The following NLRP5 variants were observed in gnomAD, a reference collection of about 807,000 sequenced individuals.
NLRP5 encodes the protein NACHT, LRR and PYD domains-containing protein 5.
Under a neutral mutation model 113.1 loss-of-function variants are expected in NLRP5, and 93 were observed. The observed-to-expected ratio is 0.82, with a 90% CI of 0.70 to 0.98. The LOEUF (loss-of-function observed/expected upper bound fraction) is 0.98, where lower values mean the gene tolerates loss of function less well. Among genes scored for constraint, NLRP5 ranks in the 50% least tolerant of loss-of-function variants. The probability of loss-of-function intolerance (pLI) is 0.00; values close to 1 mark genes in which losing one functional copy is unlikely to be tolerated. For synonymous variants in NLRP5, 751 were observed against 600.7 expected, an observed-to-expected ratio of 1.25 and a Z score of -3.66; for missense variants, 1,808 against 1,514.3, an observed-to-expected ratio of 1.19 and a Z score of -3.22.
Position 56,027,527 on chromosome 19 carries a change from A to C in NLRP5, c.1294A>C (p.Ile432Leu), listed in dbSNP as rs781708886. The C allele has an allele frequency of 3.1e-6, 5 of 1,613,866 alleles. No individual in the cohort carries two copies. The Admixed American group carries it at 8.3e-5, about 27-fold the overall frequency. The change falls in exon 7 of 15, where the codon ATC (isoleucine) becomes CTC (leucine). Residue 432 changes from isoleucine (I) to leucine (L), a missense_variant. Coordinates refer to ENST00000390649, the MANE Select transcript of NLRP5 (RefSeq NM_153447.4). ...TCCCCGTTACCTGTTAGTTAGAGGA[A>C]TCTCCGGGGAACAAAGAATCCACTT... is the stretch of plus-strand genomic sequence containing the variant.
chr19:55,987,875 A>G, the NLRP5 span: 1 of 1,613,966 alleles, frequency 6.2e-7, no homozygotes, highest in Non-Finnish European at 8.5e-7. Flanking sequence ...ACCCGACTTC[A>G]CGGGAAAAAG....
the NLRP5 span, among the ~76,000 whole-genome samples, chr19:55,989,101 T>G: frequency 4.6e-5 from 7 of 152,224 alleles, no homozygotes; most frequent in African/African-American, 1.7e-4. Flanking sequence ...AACTTCAATG[T>G]TCTATCATCA....
Position 56,061,660 on chromosome 19 carries a change from C to T in NLRP5, c.*132C>T. ...TGATTTCTGATTCTCACAAAGCCCTCAATGGTAGTGATTCTTCTGTGTTCA... is the reference window on the plus strand; with the variant it reads ...TGATTTCTGATTCTCACAAAGCCCTTAATGGTAGTGATTCTTCTGTGTTCA... On this transcript the variant is annotated 3_prime_UTR_variant, in exon 15 of 15. Coordinates refer to ENST00000390649, the MANE Select transcript of NLRP5 (RefSeq NM_153447.4). 1 of 1,018,636 alleles carries T rather than the reference C, an allele frequency of 9.8e-7. No homozygotes were observed. The highest frequency in any genetic ancestry group is 1.5e-6 in the Non-Finnish European group (1 of 674,164). The allele number at this position is 1,018,636 out of a possible 1,614,324, so 63.1% of individuals were successfully genotyped here.
At chr19:56,015,675 C>A in intron 3 of NLRP5, 67 bp from the exon 4 acceptor site, 1 of 1,333,296 alleles carries the variant, frequency 7.5e-7, no homozygotes, top group African/African-American at 1.5e-5. Flanking sequence ...CTGGGGTGTC[C>A]AACATCTCTG....
In NLRP5 at chr19:56,027,161, C is replaced by T. The variant is rs2123303926; in HGVS notation, c.928C>T (p.Gln310Ter). 1 of 1,604,690 alleles carries T rather than the reference C, an allele frequency of 6.2e-7. No individual in the cohort carries two copies. The highest frequency in any genetic ancestry group is 8.5e-7 in the Non-Finnish European group (1 of 1,175,806). The change falls in exon 7 of 15, where the codon CAG becomes TAG. Residue 310 changes from glutamine (Q) to a stop codon, truncating the protein, a stop_gained. Transcript: ENST00000390649. LOFTEE classifies it high-confidence loss of function. ...GTGCTGGGCGCAAGGTGGACTCTACCAGGGAATGTTCTCCTACGTCTTCTT... is the reference window on the plus strand; with the variant it reads ...GTGCTGGGCGCAAGGTGGACTCTACTAGGGAATGTTCTCCTACGTCTTCTT...
chr19:56,008,219 C>T (rs62123586), intron 2 of NLRP5, among the ~76,000 whole-genome samples: 34,298 of 151,786 alleles, frequency 0.23, 4,901 homozygotes, highest in Non-Finnish European at 0.31. Flanking sequence ...TGAGCCACCG[C>T]GCCTGGCCAC....
chr19:56,014,484 A>G (rs1369900867), intron 3 of NLRP5, among the ~76,000 whole-genome samples: 1 of 152,082 alleles, frequency 6.6e-6, no homozygotes, highest in East Asian at 1.9e-4. Context: ...ATCTCAAAAA[A>G]AAAAAAAAAA....
At chr19:55,995,334 T>G (rs1046817097), upstream of NLRP5, among the ~76,000 whole-genome samples, 5 of 152,194 alleles carry the variant, frequency 3.3e-5, no homozygotes, top group Admixed American at 6.5e-5. Flanking sequence ...GTTGTGCACA[T>G]GTACCCTAGA....
Position 56,004,055 on chromosome 19 carries a change from C to G in NLRP5, c.402C>G (p.Asn134Lys), listed in dbSNP as rs760199466. ...CCATTAGCATCTTTGAAAACATGAA[C>G]CTGCGAACCCTCTCGGAGAAGGCAC... Residue 134 changes from asparagine to lysine, a missense_variant, in exon 2 of 15, where the codon AAC (asparagine) becomes AAG (lysine). By Grantham distance (94) the Asn-to-Lys change is moderately conservative. Transcript: ENST00000390649. 10 of 1,612,772 alleles carry G rather than the reference C, an allele frequency of 6.2e-6. No homozygotes were observed. The highest frequency in any genetic ancestry group is 8.5e-7 in the Non-Finnish European group (1 of 1,179,328).
intron 13 of NLRP5, among the ~76,000 whole-genome samples, chr19:56,057,196 C>T (rs971027425): frequency 6.6e-6 from 1 of 152,054 alleles, no homozygotes; most frequent in Admixed American, 6.6e-5. Flanking sequence ...ACCTATATAC[C>T]CACCACCTAA....
At position 55,999,742 on chromosome 19, in the gene NLRP5, GACTTGA is replaced by G; in HGVS notation, c.23_28del (p.Glu8_Leu9del). The G allele has an allele frequency of 1.9e-6, 3 of 1,613,252 alleles. No individual in the cohort carries two copies. The highest frequency in any genetic ancestry group is 2.5e-6 in the Non-Finnish European group (3 of 1,179,308). ...GATGTTATCATGAAGGTTGCAGGAG[GACTTGA>G]ACTTGGAGCTGCTGCTCTGCTCTCA... On this transcript the variant is annotated inframe_deletion, in exon 1 of 15. Coordinates refer to ENST00000390649, the MANE Select transcript of NLRP5 (RefSeq NM_153447.4).
At chr19:56,053,388 C>T (rs1984003167) in intron 12 of NLRP5, among the ~76,000 whole-genome samples, 2 of 144,232 alleles carry the variant, frequency 1.4e-5, no homozygotes, top group Admixed American at 1.5e-4. Flanking sequence ...AAGAGCAAAA[C>T]TCCATCTCAA....
chr19:56,048,165 T>C (rs776664921), intron 11 of NLRP5, among the ~76,000 whole-genome samples: 12 of 152,224 alleles, frequency 7.9e-5, no homozygotes, highest in Non-Finnish European at 2.9e-5. Context: ...AGTTTTTTAT[T>C]CTGCATTCTG....
chr19:56,050,712 T>C (rs1000392809), intron 12 of NLRP5, 124 bp downstream of exon 12: 3 of 893,652 alleles, frequency 3.4e-6, no homozygotes, highest in African/African-American at 3.4e-5. Flanking sequence ...TGACACTCAT[T>C]TTTCCAAGGG....
At chr19:56,036,058 CTTTTT>C (rs34956178) in intron 9 of NLRP5, among the ~76,000 whole-genome samples, 8 of 77,016 alleles carry the variant, frequency 1.0e-4, no homozygotes, top group African/African-American at 3.4e-4. Flanking sequence ...AATTGAGATT[CTTTTT>C]TTTTTTTTTT....
chr19:56,016,552 C>G (rs1243724199), intron 4 of NLRP5, among the ~76,000 whole-genome samples: 1 of 152,208 alleles, frequency 6.6e-6, no homozygotes, highest in Admixed American at 6.6e-5. Context: ...ACTTACTCCT[C>G]TTGTCTAGCT....
At chr19:56,020,002 A>G (rs947650480) in intron 5 of NLRP5, among the ~76,000 whole-genome samples, 2 of 151,534 alleles carry the variant, frequency 1.3e-5, no homozygotes, top group Non-Finnish European at 2.9e-5. Flanking sequence ...GTGCCCGACT[A>G]ATTTTTGTAT....
chr19:56,007,918 T>TGCGCGC (rs1277773594), intron 2 of NLRP5, among the ~76,000 whole-genome samples: 1 of 75,666 alleles, frequency 1.3e-5, no homozygotes, highest in African/African-American at 4.1e-5. Context: ...TGTGTGTGTG[T>TGCGCGC]GTGTGTGTGT....
the NLRP5 span, among the ~76,000 whole-genome samples, chr19:55,992,695 C>T: frequency 1.3e-5 from 2 of 152,154 alleles, no homozygotes; most frequent in African/African-American, 4.8e-5. Context: ...AGTGCAGGAG[C>T]AGCTAAGCAC....
Sources: allele counts gnomAD v4.1 joint callset (sites outside exome capture counted in the v4.1 genomes callset), GRCh38; gene constraint gnomAD v4.1.1; transcripts MANE v1.5; gene names NCBI Gene and HGNC (gene_info 2026-07-23, HGNC 2026-07-21).